Variants in CNTNAP2 observed in about 807,000 individuals in gnomAD.
The protein encoded by CNTNAP2 is contactin associated protein 2, also known as contactin-associated protein-like 2.
Under a neutral mutation model 155.2 loss-of-function variants are expected in CNTNAP2, and 98 were observed. The ratio of observed to expected loss-of-function variants is 0.63; its 90% CI spans 0.54 to 0.75. The LOEUF is 0.75. CNTNAP2 is among the 30% of genes least tolerant of loss of function. The pLI is 0.00. For synonymous variants in CNTNAP2, 651 were observed against 631.2 expected, an observed-to-expected ratio of 1.03 and a Z score of -0.47; for missense variants, 1,727 against 1,688.1, an observed-to-expected ratio of 1.02 and a Z score of -0.40.
intron 1 of CNTNAP2, among the ~76,000 whole-genome samples, chr7:146,567,565 A>G (rs949526790): frequency 6.6e-6 from 1 of 152,182 alleles, no homozygotes; most frequent in Non-Finnish European, 1.5e-5. Context: ...TTGTTGTTGC[A>G]CTAAATTATC....
intron 4 of CNTNAP2, among the ~76,000 whole-genome samples, chr7:147,095,914 C>G (rs1800521786): frequency 6.6e-6 from 1 of 152,150 alleles, no homozygotes; most frequent in African/African-American, 2.4e-5. Context: ...CGACAGGCAG[C>G]TTCTCCCTTC....
chr7:146,970,029 C>T (rs1431887181), intron 3 of CNTNAP2, among the ~76,000 whole-genome samples: 1 of 152,078 alleles, frequency 6.6e-6, no homozygotes, highest in East Asian at 1.9e-4. Flanking sequence ...GAAACTGGAT[C>T]CCTTCCTTAC....
chr7:148,401,878 G>A (rs571840058), intron 22 of CNTNAP2, among the ~76,000 whole-genome samples: 22 of 152,278 alleles, frequency 1.4e-4, no homozygotes, highest in African/African-American at 4.6e-4. Context: ...GATTACAGGC[G>A]TGAGCCACTG....
intron 18 of CNTNAP2, among the ~76,000 whole-genome samples, chr7:148,203,514 G>A (rs762433277): frequency 6.6e-6 from 1 of 152,182 alleles, no homozygotes; most frequent in Non-Finnish European, 1.5e-5. Context: ...GGAGGCTGAG[G>A]TGGGTGGATC....
In CNTNAP2 at chr7:146,676,106, G is replaced by C. The variant is rs1353236; in HGVS notation, c.98-98165G>C. Among the ~76,000 whole-genome samples the C allele has an allele frequency of 3.3e-5, 5 of 151,848 alleles. No homozygotes were observed. In the South Asian group the frequency reaches 8.3e-4, roughly 25 times the overall value. Reference sequence around the variant, plus strand: ...GTGTTCTATAATATTCTAAAATATCGTTCTGTAATTATTTTATGAGAAACA... The same window carrying C: ...GTGTTCTATAATATTCTAAAATATCCTTCTGTAATTATTTTATGAGAAACA... On this transcript the variant is annotated intron_variant, in intron 1 of 23. Coordinates refer to ENST00000361727, the MANE Select transcript of CNTNAP2 (RefSeq NM_014141.6).
intron 13 of CNTNAP2, among the ~76,000 whole-genome samples, chr7:147,653,346 CT>C (rs1462658678): frequency 1.3e-5 from 2 of 152,060 alleles, no homozygotes; most frequent in African/African-American, 4.8e-5. Context: ...TATAAATTTG[CT>C]TTTGATAGAG....
At chr7:146,682,733 A>G (rs1428738791) in intron 1 of CNTNAP2, among the ~76,000 whole-genome samples, 4 of 152,246 alleles carry the variant, frequency 2.6e-5, no homozygotes, top group Admixed American at 2.6e-4. Context: ...TGGTCAACAG[A>G]CATTTCAGGG....
At chr7:147,784,530 TATATATATATATATATATATG>T in intron 13 of CNTNAP2, among the ~76,000 whole-genome samples, 1 of 100,648 alleles carries the variant, frequency 9.9e-6, no homozygotes, top group Non-Finnish European at 2.2e-5. Context: ...TATATATATA[TATATATATATATATATATATG>T]AGTTTTTTTG....
At chr7:146,133,682 A>G (rs1332806522) in intron 1 of CNTNAP2, among the ~76,000 whole-genome samples, 1 of 152,122 alleles carries the variant, frequency 6.6e-6, no homozygotes, top group Non-Finnish European at 1.5e-5. Context: ...TCCTTTCCCC[A>G]TTGCTTGTTT....
intron 21 of CNTNAP2, among the ~76,000 whole-genome samples, chr7:148,341,069 G>A (rs1174585110): frequency 3.3e-5 from 5 of 152,174 alleles, no homozygotes; most frequent in African/African-American, 1.2e-4. Flanking sequence ...ATGCACATAT[G>A]CTATGCACTT....
intron 13 of CNTNAP2, among the ~76,000 whole-genome samples, chr7:147,665,886 G>T (rs1454935511): frequency 6.6e-6 from 1 of 152,094 alleles, no homozygotes; most frequent in Non-Finnish European, 1.5e-5. Flanking sequence ...GGGCATTTAG[G>T]TTGATTCCAT....
At chr7:146,934,215 G>A (rs1796856267) in intron 3 of CNTNAP2, among the ~76,000 whole-genome samples, 1 of 151,972 alleles carries the variant, frequency 6.6e-6, no homozygotes, top group African/African-American at 2.4e-5. Context: ...TGATAGACTG[G>A]ATGAAGAAAA....
chr7:146,554,321 A>G (rs1363839313), intron 1 of CNTNAP2, among the ~76,000 whole-genome samples: 2 of 152,160 alleles, frequency 1.3e-5, no homozygotes, highest in East Asian at 3.9e-4. Context: ...TTTCAGCCTC[A>G]AACCCTTAGA....
At chr7:146,692,010 T>C (rs1800705759) in intron 1 of CNTNAP2, among the ~76,000 whole-genome samples, 1 of 152,112 alleles carries the variant, frequency 6.6e-6, no homozygotes, top group Admixed American at 6.6e-5. Context: ...AGGGTCCTTC[T>C]AGAACTGCTA....
At chr7:146,326,742 C>T (rs948231587) in intron 1 of CNTNAP2, among the ~76,000 whole-genome samples, 1 of 152,156 alleles carries the variant, frequency 6.6e-6, no homozygotes, top group African/African-American at 2.4e-5. Context: ...CTCTGGGCAG[C>T]ACTACTGGCA....
intron 15 of CNTNAP2, among the ~76,000 whole-genome samples, chr7:148,116,700 T>C (rs542584665): frequency 4.6e-5 from 7 of 152,364 alleles, no homozygotes; most frequent in South Asian, 2.1e-4. Flanking sequence ...TTTAAAATTA[T>C]GACTTAAGCA....
rs142977300 is a variant in CNTNAP2 at position 147,389,029 on chromosome 7, T to C, written c.1499-6580T>C. On this transcript the variant is annotated intron_variant, in intron 9 of 23. Transcript: ENST00000361727. ...TGTGTGGACATCCTCTGTGCACAGG[T>C]CCTGGACACCACTAGACTCTCTTCC... Among the ~76,000 whole-genome samples, 234 of 152,220 alleles carry C rather than the reference T, an allele frequency of 1.5e-3. 3 individuals carry two copies. Among genetic ancestry groups the C allele is most frequent in the African/African-American group, 5.2e-3 (215 of 41,540 alleles).
intron 12 of CNTNAP2, among the ~76,000 whole-genome samples, chr7:147,610,311 G>C (rs902800201): frequency 6.6e-6 from 1 of 151,466 alleles, no homozygotes; most frequent in African/African-American, 2.4e-5. Context: ...TTTTTTCTTT[G>C]TTTGTTTGTT....
chr7:148,127,182 G>C (rs920552271), intron 16 of CNTNAP2, among the ~76,000 whole-genome samples: 1 of 152,236 alleles, frequency 6.6e-6, no homozygotes, highest in African/African-American at 2.4e-5. Flanking sequence ...GCACACCCCT[G>C]TGATCCCAGC....
Sources: gnomAD v4.1 joint callset for allele counts (sites outside exome capture counted in the v4.1 genomes callset) on GRCh38, gnomAD v4.1.1 for gene constraint, MANE v1.5 for transcripts, NCBI Gene and HGNC (gene_info 2026-07-23, HGNC 2026-07-21) for gene names.